IQSEC1: variants seen among roughly 807,000 people sequenced by gnomAD.
The protein encoded by IQSEC1 is IQ motif and Sec7 domain ArfGEF 1, also known as IQ motif and SEC7 domain-containing protein 1.
A neutral mutation model predicts 91.0 loss-of-function variants in IQSEC1; 31 were observed. The observed-to-expected ratio is 0.34, with a 90% CI of 0.26 to 0.46. The LOEUF is 0.46. Ranked by LOEUF, IQSEC1 falls within the 20% of genes least tolerant of loss-of-function variation. IQSEC1 has a pLI of 1.00. For missense variants in IQSEC1, 1,388 were observed against 1,575.6 expected (o/e 0.88, Z 2.02); for synonymous variants, 699 against 662.6 (o/e 1.05, Z -0.84).
intron 2 of IQSEC1, among the ~76,000 whole-genome samples, chr3:13,089,262 C>G (rs1374826564): frequency 3.3e-5 from 5 of 152,222 alleles, no homozygotes; most frequent in African/African-American, 7.2e-5. Context: ...TCTGTCCATA[C>G]TATGAAACAT....
At chr3:13,172,433 G>C (rs1693635938) in intron 1 of IQSEC1, among the ~76,000 whole-genome samples, 1 of 152,230 alleles carries the variant, frequency 6.6e-6, no homozygotes, top group Admixed American at 6.5e-5. Flanking sequence ...AAAGACTGAA[G>C]CTGGTTCATC....
At chr3:13,020,008 C>T (rs986073644) in intron 1 of IQSEC1, among the ~76,000 whole-genome samples, 6 of 152,318 alleles carry the variant, frequency 3.9e-5, no homozygotes, top group South Asian at 4.1e-4. Context: ...CAAGAGGGAG[C>T]GAGCGAATCA....
At chr3:13,156,916 G>A (rs1559265914) in intron 2 of IQSEC1, among the ~76,000 whole-genome samples, 1 of 152,224 alleles carries the variant, frequency 6.6e-6, no homozygotes, top group South Asian at 2.1e-4. Context: ...GAAGGCCAGA[G>A]TGTGATGACC....
In IQSEC1 at chr3:12,900,085, G is replaced by C. The variant is rs1396335579; in HGVS notation, c.*898C>G. ...AGCTGTCCTGAGTTGCTACTGTAGA[G>C]TGTACTGCAGTTTAGCTATTTGCTT... On this transcript the variant is annotated 3_prime_UTR_variant, in exon 14 of 14. Coordinates refer to ENST00000613206, the MANE Select transcript of IQSEC1 (RefSeq NM_001134382.3). 1.0e-6 allele frequency: 1 copy of C among 982,268 alleles called. No individual in the cohort carries two copies. Among genetic ancestry groups the C allele is most frequent in the Non-Finnish European group, 1.2e-6 (1 of 827,250 alleles). 60.8% of individuals were successfully genotyped at this position (982,268 alleles called of 1,614,324 possible).
intron 1 of IQSEC1, among the ~76,000 whole-genome samples, chr3:13,059,743 C>T (rs1705000579): frequency 6.6e-6 from 1 of 151,914 alleles, no homozygotes; most frequent in South Asian, 2.1e-4. Context: ...AGAGCAAGAC[C>T]CTATCTCTAA....
At chr3:12,915,185 C>T in intron 7 of IQSEC1, 52 bp from the exon 8 acceptor site, 1 of 1,576,170 alleles carries the variant, frequency 6.3e-7, no homozygotes, top group Non-Finnish European at 8.6e-7. Context: ...CAAAGCCACG[C>T]CCAGGCCAAT....
Position 13,057,689 on chromosome 3 carries a change from C to T in IQSEC1, c.23+15303G>A, listed in dbSNP as rs566160654. On this transcript the variant is annotated intron_variant, in intron 1 of 13. Coordinates refer to ENST00000613206, the MANE Select transcript of IQSEC1 (RefSeq NM_001134382.3). ...ATGGGGCCCCAGACATCCCGCCTGCCAGCCTGGGGGCCCTACCACTGGGCA... is the reference window on the plus strand; with the variant it reads ...ATGGGGCCCCAGACATCCCGCCTGCTAGCCTGGGGGCCCTACCACTGGGCA... Among the ~76,000 whole-genome samples the T allele has an allele frequency of 1.1e-4, 17 of 152,308 alleles. No individual in the cohort carries two copies. In the East Asian group the frequency reaches 1.9e-3, roughly 17 times the overall value.
chr3:12,933,562 C>A (rs576258184), intron 3 of IQSEC1, among the ~76,000 whole-genome samples: 1 of 152,258 alleles, frequency 6.6e-6, no homozygotes, highest in Non-Finnish European at 1.5e-5. Context: ...TTACCCTCAC[C>A]GCCCTGGGAG....
chr3:13,093,579 G>T (rs1705904522), intron 2 of IQSEC1, among the ~76,000 whole-genome samples: 2 of 152,184 alleles, frequency 1.3e-5, no homozygotes, highest in South Asian at 4.1e-4. Context: ...GGGATGCCAC[G>T]AGGGAGGAGG....
upstream of IQSEC1, among the ~76,000 whole-genome samples, chr3:13,076,798 A>G (rs1229711198): frequency 1.3e-5 from 2 of 152,156 alleles, no homozygotes; most frequent in African/African-American, 4.8e-5. Flanking sequence ...TAACTGCACA[A>G]ATGATAAGAA....
At chr3:13,098,027 C>T (rs962936736) in intron 2 of IQSEC1, among the ~76,000 whole-genome samples, 3 of 152,240 alleles carry the variant, frequency 2.0e-5, no homozygotes, top group African/African-American at 4.8e-5. Flanking sequence ...ATCTCAGGGC[C>T]GACCCCAGAT....
chr3:12,920,645 C>G (rs369935644), intron 5 of IQSEC1, 49 bp from the exon 6 acceptor site: 1 of 1,577,158 alleles, frequency 6.3e-7, no homozygotes, highest in Admixed American at 1.7e-5. Flanking sequence ...GCAAGTGACA[C>G]GGCCCCTCTC....
chr3:12,946,178 A>G (rs1699165471), intron 1 of IQSEC1, among the ~76,000 whole-genome samples: 1 of 152,212 alleles, frequency 6.6e-6, no homozygotes, highest in African/African-American at 2.4e-5. Context: ...GAACAGCCAG[A>G]CTGGCTCCTA....
chr3:12,989,203 G>A (rs1701878160), intron 1 of IQSEC1, among the ~76,000 whole-genome samples: 1 of 152,128 alleles, frequency 6.6e-6, no homozygotes, highest in Non-Finnish European at 1.5e-5. Flanking sequence ...GCTCCCGGAG[G>A]GCATGGCTTT....
Position 13,214,854 on chromosome 3 carries a change from A to G in IQSEC1, c.273-50721T>C, listed in dbSNP as rs980728542. 3.9e-5 allele frequency among the ~76,000 whole-genome samples: 6 copies of G among 152,242 alleles called. No homozygotes were observed. The highest frequency in any genetic ancestry group is 1.4e-4 in the African/African-American group (6 of 41,466). On this transcript the variant is annotated intron_variant, in intron 1 of 15. Coordinates refer to the IQSEC1 transcript ENST00000648114. The surrounding 1 kb of genome is among the most constrained non-coding windows in gnomAD (Gnocchi z 4.5). ...AGCAAGAGCAGGTCCCAGTGTTTGC[A>G]GCTGAGCGCCAGGACCGACGTCGGG...
At chr3:13,109,693 C>A (rs2124858212) in intron 2 of IQSEC1, among the ~76,000 whole-genome samples, 1 of 152,128 alleles carries the variant, frequency 6.6e-6, no homozygotes, top group South Asian at 2.1e-4. Context: ...CTTCCTTCAC[C>A]TTCCACCATG....
At chr3:13,126,107 A>T (rs1171108037) in intron 2 of IQSEC1, among the ~76,000 whole-genome samples, 1 of 152,248 alleles carries the variant, frequency 6.6e-6, no homozygotes, top group Non-Finnish European at 1.5e-5. Context: ...ACATATTAAA[A>T]GTGTACAATT....
At chr3:13,248,575 G>A (rs935382684) in intron 1 of IQSEC1, among the ~76,000 whole-genome samples, 1 of 152,194 alleles carries the variant, frequency 6.6e-6, no homozygotes, top group African/African-American at 2.4e-5. Flanking sequence ...ATTCCTGGCA[G>A]CTCCAAACCA....
chr3:13,038,262 G>A (rs778366391), intron 1 of IQSEC1, among the ~76,000 whole-genome samples: 8,764 of 99,082 alleles, frequency 0.088, 458 homozygotes, highest in Non-Finnish European at 0.1. Flanking sequence ...GTGTGTGTGT[G>A]TATATATATA....
Sources: allele counts gnomAD v4.1 joint callset (sites outside exome capture counted in the v4.1 genomes callset), GRCh38; gene constraint gnomAD v4.1.1; non-coding constraint Gnocchi (gnomAD v3.1); transcripts MANE v1.5; gene names NCBI Gene and HGNC (gene_info 2026-07-23, HGNC 2026-07-21).